Variants in ARHGEF6 observed in about 807,000 individuals in gnomAD.
ARHGEF6 encodes the protein rho guanine nucleotide exchange factor 6.
In ARHGEF6, 9 loss-of-function variants were observed where a neutral mutation model predicts 70.3. The observed-to-expected ratio is 0.13, with a 90% CI of 0.08 to 0.22. The LOEUF (loss-of-function observed/expected upper bound fraction) is 0.22. Among genes scored for constraint, ARHGEF6 ranks in the 10% least tolerant of loss-of-function variants. ARHGEF6 has a pLI of 1.00. For synonymous variants in ARHGEF6, 201 were observed against 207.8 expected, an observed-to-expected ratio of 0.97 and a Z score of 0.28; for missense variants, 470 against 563.0, an observed-to-expected ratio of 0.83 and a Z score of 1.67.
chrX:136,774,176 T>C (rs1365131900), intron 2 of ARHGEF6: 1 of 111,511 alleles, frequency 9.0e-6, no homozygotes, highest in Non-Finnish European at 1.9e-5. Context: ...ATTTTAAGCA[T>C]TGGTGCTTAA....
chrX:136,673,397 G>C (rs765525181), intron 19 of ARHGEF6, among the ~76,000 whole-genome samples: 12 of 111,891 alleles, frequency 1.1e-4, no homozygotes, highest in African/African-American at 3.6e-4. Context: ...GAGGGATAGA[G>C]GATAGAAGGT....
chrX:136,745,443 T>C (rs1013385348), intron 3 of ARHGEF6, 96 bp from the exon 4 acceptor site: 16 of 1,045,493 alleles, frequency 1.5e-5, no homozygotes, highest in Non-Finnish European at 2.1e-5. Flanking sequence ...ATCAGAGGCA[T>C]CCTGGCTGTA....
chrX:136,757,566 C>T (rs2077220066), intron 2 of ARHGEF6, among the ~76,000 whole-genome samples: 1 of 111,395 alleles, frequency 9.0e-6, no homozygotes, highest in African/African-American at 3.3e-5. Context: ...AAAGTTCCCT[C>T]AATCATCTGA....
Position 136,677,944 on chromosome X carries a change from T to C in ARHGEF6, c.1843A>G (p.Ile615Val). ...ALGYKERMSY[I>V]LKESSKSPKT... Reference sequence around the variant, plus strand: ...TATTGTACTACCCTTACCTTTAAGATATAAGACATCCTCTAAAATGAATAT... The same window carrying C: ...TATTGTACTACCCTTACCTTTAAGACATAAGACATCCTCTAAAATGAATAT... The change falls in exon 17 of 22, where the codon ATC becomes GTC. Residue 615 changes from isoleucine (I) to valine (V), a missense_variant. By Grantham distance (29) the Ile-to-Val change is conservative (BLOSUM62 3). Coordinates refer to ENST00000250617, the MANE Select transcript of ARHGEF6 (RefSeq NM_004840.3). 1.7e-6 allele frequency: 2 copies of C among 1,205,148 alleles called. No individual in the cohort carries two copies. Among genetic ancestry groups the C allele is most frequent in the Non-Finnish European group, 2.2e-6 (2 of 889,695 alleles).
intron 6 of ARHGEF6, among the ~76,000 whole-genome samples, chrX:136,729,503 G>A (rs1857659872): frequency 1.0e-5 from 1 of 97,892 alleles, no homozygotes; most frequent in African/African-American, 3.8e-5. Context: ...GAACAGGTCT[G>A]GTCAGAGACA....
chrX:136,694,896 G>A, intron 9 of ARHGEF6, among the ~76,000 whole-genome samples: 1 of 111,500 alleles, frequency 9.0e-6, no homozygotes, highest in East Asian at 2.8e-4. Context: ...GGCCATACAC[G>A]ACTGCATTTT....
chrX:136,677,481 A>G (rs763073290), intron 17 of ARHGEF6, among the ~76,000 whole-genome samples: 34 of 112,172 alleles, frequency 3.0e-4, no homozygotes, highest in African/African-American at 9.7e-4. Context: ...ATCTGTAAAC[A>G]GATTACAACC....
intron 2 of ARHGEF6, among the ~76,000 whole-genome samples, chrX:136,757,283 C>A (rs1432430697): frequency 1.8e-5 from 2 of 112,581 alleles, no homozygotes; most frequent in Admixed American, 1.9e-4. Context: ...TCGCTTGAAA[C>A]CAGGAGGCGG....
At chrX:136,734,693 A>C (rs2076968759) in intron 5 of ARHGEF6, among the ~76,000 whole-genome samples, 1 of 112,116 alleles carries the variant, frequency 8.9e-6, no homozygotes, top group Non-Finnish European at 1.9e-5. Context: ...AAGGCAGTGC[A>C]AAAAAGAAAA....
chrX:136,668,530 C>A (rs12859689), intron 21 of ARHGEF6, among the ~76,000 whole-genome samples: 1,947 of 99,880 alleles, frequency 0.019, 32 homozygotes, highest in East Asian at 0.1. Context: ...TCTTCTTCTT[C>A]TTCTTATTAT....
At chrX:136,692,113 A>G (rs2076464734) in intron 9 of ARHGEF6, among the ~76,000 whole-genome samples, 1 of 111,500 alleles carries the variant, frequency 9.0e-6, no homozygotes, top group Admixed American at 9.5e-5. Context: ...TGAGCAGGAG[A>G]GAAAAGATGG....
intron 10 of ARHGEF6, 54 bp downstream of exon 10, chrX:136,690,556 A>G: frequency 8.3e-7 from 1 of 1,201,923 alleles, no homozygotes; most frequent in Non-Finnish European, 1.1e-6. Flanking sequence ...TGCGTCCTCC[A>G]GAGCACAGGA....
At chrX:136,680,940 T>A in intron 14 of ARHGEF6, 64 bp from the exon 15 acceptor site, 1 of 1,156,987 alleles carries the variant, frequency 8.6e-7, no homozygotes, top group Non-Finnish European at 1.2e-6. Context: ...GCTTGTCCCA[T>A]TCATAAATAG....
intron 6 of ARHGEF6, among the ~76,000 whole-genome samples, chrX:136,726,704 T>C (rs556084926): frequency 1.2e-4 from 13 of 112,717 alleles, no homozygotes; most frequent in South Asian, 1.1e-3. Flanking sequence ...TCTACCATTA[T>C]GTTACATAAA....
chrX:136,676,266 G>T (rs2076281035), intron 18 of ARHGEF6, among the ~76,000 whole-genome samples: 1 of 111,737 alleles, frequency 8.9e-6, no homozygotes, highest in South Asian at 3.7e-4. Context: ...TCAGCCTTCG[G>T]GTCTATTTAG....
chrX:136,671,129 C>T (rs189560156), intron 20 of ARHGEF6, among the ~76,000 whole-genome samples: 450 of 112,061 alleles, frequency 4.0e-3, no homozygotes, highest in Non-Finnish European at 6.7e-3. Flanking sequence ...TTCACTTAAC[C>T]TCACAACAAC....
chrX:136,730,117 A>G (rs1478848768), intron 6 of ARHGEF6, among the ~76,000 whole-genome samples: 1 of 110,789 alleles, frequency 9.0e-6, no homozygotes, highest in African/African-American at 3.3e-5. Flanking sequence ...TAAAAGAAAA[A>G]TGTTATTTCA....
chrX:136,701,425 T>A (rs1177571349), intron 9 of ARHGEF6, among the ~76,000 whole-genome samples: 1 of 111,791 alleles, frequency 8.9e-6, no homozygotes, highest in Non-Finnish European at 1.9e-5. Flanking sequence ...AAGAATTGTA[T>A]CAGACTTCTC....
At chrX:136,670,452 G>A (rs2076213106) in intron 20 of ARHGEF6, among the ~76,000 whole-genome samples, 1 of 111,430 alleles carries the variant, frequency 9.0e-6, no homozygotes, top group Non-Finnish European at 1.9e-5. Flanking sequence ...ATCCACAGAT[G>A]CAGAGCCCAC....
Sources: allele counts gnomAD v4.1 joint callset (sites outside exome capture counted in the v4.1 genomes callset), GRCh38; gene constraint gnomAD v4.1.1; transcripts MANE v1.5; gene names NCBI Gene and HGNC (gene_info 2026-07-23, HGNC 2026-07-21).